The following ATP5IF1 variants were observed in gnomAD, a reference collection of about 807,000 sequenced individuals.
ATP5IF1 encodes the protein ATPase inhibitor, mitochondrial.
Under a neutral mutation model 8.5 loss-of-function variants are expected in ATP5IF1, and 12 were observed. That is an observed-to-expected ratio of 1.41 (90% CI 0.90 to 2.28). The LOEUF is 2.28. Among genes scored for constraint, ATP5IF1 ranks in the 30% most tolerant of loss-of-function variants. The pLI, the probability that ATP5IF1 is intolerant of heterozygous loss-of-function variation, is 0.00. For synonymous variants in ATP5IF1, 51 were observed against 53.4 expected, an observed-to-expected ratio of 0.96 and a Z score of 0.19; for missense variants, 154 against 140.2, an observed-to-expected ratio of 1.10 and a Z score of -0.50.
At chr1:28,236,589 C>T (rs899210915) in intron 2 of ATP5IF1, 137 bp downstream of exon 2, 10 of 1,542,182 alleles carry the variant, frequency 6.5e-6, no homozygotes, top group South Asian at 2.4e-5. Context: ...GGCCCCAATC[C>T]AGTATACCCT....
intron 2 of ATP5IF1, chr1:28,236,989 C>T (rs189347730): frequency 1.9e-6 from 2 of 1,034,364 alleles, no homozygotes; most frequent in African/African-American, 3.4e-5. Flanking sequence ...ATGGGAGCTA[C>T]TTATGGTTGG....
intron 2 of ATP5IF1, chr1:28,237,090 C>T (rs1422139065): frequency 1.0e-6 from 1 of 992,982 alleles, no homozygotes; most frequent in East Asian, 1.1e-4. Flanking sequence ...TGGGCTGGGC[C>T]TCCCTTTGCC....
rs777052535 is a variant in ATP5IF1, at chr1:28,236,304, G to GC, written c.87+35dup. ...CGGCAGTGTCCGCTGCTCCAGCCCC[G>GC]CGGGCGGATCCCATCTTTGCTTCCG... is the stretch of plus-strand genomic sequence containing the variant. On this transcript the variant is annotated intron_variant, in intron 1 of 2. Transcript: ENST00000335514. 26 of 1,614,050 alleles carry GC rather than the reference G, an allele frequency of 1.6e-5. No individual in the cohort carries two copies. In the Admixed American group the frequency reaches 3.2e-4, roughly 20 times the overall value.
Position 28,237,868 on chromosome 1 carries a change from A to G in ATP5IF1, c.211A>G (p.Lys71Glu). 6.2e-7 allele frequency: 1 copy of G among 1,614,212 alleles called. No individual in the cohort carries two copies. The highest frequency in any genetic ancestry group is 1.1e-5 in the South Asian group (1 of 91,080). Residue 71 changes from lysine (K) to glutamate (E), a missense_variant, in exon 3 of 3, where the codon AAA (lysine) becomes GAA (glutamate). Physicochemically the swap from Lys to Glu is moderately conservative, Grantham distance 56. Coordinates refer to ENST00000335514, the MANE Select transcript of ATP5IF1 (RefSeq NM_016311.5). Reference protein sequence around the residue: ...AQSREQLAALKKHHEEEIVHH... With the variant: ...AQSREQLAALEKHHEEEIVHH... ...GAGTAGAGAACAACTGGCAGCTTTG[A>G]AAAAACACCATGAAGAAGAAATCGT...
chr1:28,237,431 G>A, intron 2 of ATP5IF1: 1 of 1,136,466 alleles, frequency 8.8e-7, no homozygotes, highest in Non-Finnish European at 1.1e-6. Flanking sequence ...ATTTCTATAG[G>A]CAAAGAAAGC....
chr1:28,236,643 GT>G (rs1307008681), intron 2 of ATP5IF1, 191 bp downstream of exon 2: 10 of 1,499,340 alleles, frequency 6.7e-6, no homozygotes, highest in Non-Finnish European at 8.9e-6. Flanking sequence ...GGCACTCCCA[GT>G]TACCTGCACA....
intron 2 of ATP5IF1, 66 bp downstream of exon 2, chr1:28,236,518 C>G: frequency 6.2e-7 from 1 of 1,610,276 alleles, no homozygotes. Flanking sequence ...CTTAAACTGC[C>G]AATCGCCCCA....
intron 2 of ATP5IF1, chr1:28,237,389 A>C: frequency 7.5e-6 from 8 of 1,069,790 alleles, no homozygotes; most frequent in Non-Finnish European, 9.1e-6. Flanking sequence ...CGCATGCAAG[A>C]GACCCTTTAT....
At chr1:28,236,656 C>T in intron 2 of ATP5IF1, 2 of 1,477,676 alleles carry the variant, frequency 1.4e-6, no homozygotes, top group Non-Finnish European at 1.8e-6. Context: ...ACCTGCACAA[C>T]AGTTTCAGGC....
chr1:28,237,886 G>A lies in ATP5IF1; in HGVS notation c.229G>A (p.Glu77Lys). The change falls in exon 3 of 3, where the codon GAA becomes AAA. Residue 77 changes from glutamate (E) to lysine (K), a missense_variant. Coordinates refer to ENST00000335514, the MANE Select transcript of ATP5IF1 (RefSeq NM_016311.5). ...LAALKKHHEE[E>K]IVHHKKEIER... ...AGCTTTGAAAAAACACCATGAAGAA[G>A]AAATCGTTCATCATAAGAAGGAGAT... 2 of 1,614,118 alleles carry A rather than the reference G, an allele frequency of 1.2e-6. No homozygotes were observed. The highest frequency in any genetic ancestry group is 1.3e-5 in the African/African-American group (1 of 75,030).
rs1449958592 is a variant in ATP5IF1 at position 28,238,027 on chromosome 1, G to A, written c.*49G>A. 7 of 1,549,516 alleles carry A rather than the reference G, an allele frequency of 4.5e-6. No homozygotes were observed. The African/African-American group carries it at 9.6e-5, about 21-fold the overall frequency. On this transcript the variant is annotated 3_prime_UTR_variant, in exon 3 of 3. Transcript: ENST00000335514. Reference sequence around the variant, plus strand: ...GGCACATGTCATTGCCCACTTCTGTGTAGACATGGTTCTGGTTTAACTAAT... The same window carrying A: ...GGCACATGTCATTGCCCACTTCTGTATAGACATGGTTCTGGTTTAACTAAT...
chr1:28,236,328 C>T lies in ATP5IF1; in HGVS notation c.88-33C>T, dbSNP rs778179557. 9.3e-6 allele frequency: 15 copies of T among 1,614,086 alleles called. No homozygotes were observed. The East Asian group carries it at 2.7e-4, about 29-fold the overall frequency. On this transcript the variant is annotated intron_variant, in intron 1 of 2. Coordinates refer to ENST00000335514, the MANE Select transcript of ATP5IF1 (RefSeq NM_016311.5). ...CGCGGGCGGATCCCATCTTTGCTTC[C>T]GTACCTTTACCAGTGTCCCTGTCTC...
chr1:28,236,708 G>A (rs1647040054), intron 2 of ATP5IF1: 1 of 1,409,216 alleles, frequency 7.1e-7, no homozygotes, highest in Admixed American at 2.7e-5. Flanking sequence ...AACAACCCAC[G>A]GCTCAACTCC....
At chr1:28,237,198 C>G in intron 2 of ATP5IF1, 1 of 991,456 alleles carries the variant, frequency 1.0e-6, no homozygotes, top group Non-Finnish European at 1.2e-6. Flanking sequence ...CTTCTGCCTT[C>G]TGTTGAGAAT....
chr1:28,237,774 T>C (rs747624396), intron 2 of ATP5IF1, 63 bp from the exon 3 acceptor site: 3 of 1,614,210 alleles, frequency 1.9e-6, no homozygotes, highest in Non-Finnish European at 2.5e-6. Context: ...TTACAGGTTA[T>C]GCTTTGAGAT....
chr1:28,236,329 G>A, intron 1 of ATP5IF1, 32 bp from the exon 2 acceptor site: 1 of 1,614,166 alleles, frequency 6.2e-7, no homozygotes, highest in Non-Finnish European at 8.5e-7. Flanking sequence ...CTTTGCTTCC[G>A]TACCTTTACC....
chr1:28,237,527 C>A, intron 2 of ATP5IF1: 1 of 1,349,082 alleles, frequency 7.4e-7, no homozygotes, highest in Non-Finnish European at 9.5e-7. Flanking sequence ...CTTTTTTTTT[C>A]CCTAAAGGGG....
intron 2 of ATP5IF1, chr1:28,236,741 G>A (rs1647040349): frequency 7.5e-7 from 1 of 1,337,850 alleles, no homozygotes; most frequent in Non-Finnish European, 9.6e-7. Context: ...ACCATCTCCC[G>A]CGTGGAGTTC....
chr1:28,236,531 CGTTCCT>C, intron 2 of ATP5IF1, 79 bp downstream of exon 2: 1 of 1,601,690 alleles, frequency 6.2e-7, no homozygotes, highest in Non-Finnish European at 8.5e-7. Context: ...TCGCCCCACC[CGTTCCT>C]ACCTGGTGCC....
Sources: gnomAD v4.1 joint callset for allele counts on GRCh38, gnomAD v4.1.1 for gene constraint, MANE v1.5 for transcripts, NCBI Gene and HGNC (gene_info 2026-07-23, HGNC 2026-07-21) for gene names.